The following PTPRT variants were observed in gnomAD, a reference collection of about 807,000 sequenced individuals.
PTPRT encodes the protein protein tyrosine phosphatase receptor type T, also known as receptor-type tyrosine-protein phosphatase T.
PTPRT carries 56 observed loss-of-function variants against 176.8 expected under a neutral mutation model. The observed-to-expected ratio is 0.32, with a 90% CI of 0.26 to 0.40. PTPRT has a LOEUF of 0.40. PTPRT is among the 10% of genes least tolerant of loss of function. The probability of loss-of-function intolerance (pLI) is 1.00; values close to 1 mark genes in which losing one functional copy is unlikely to be tolerated. For synonymous variants in PTPRT, 783 were observed against 739.0 expected, an observed-to-expected ratio of 1.06 and a Z score of -0.96; for missense variants, 1,540 against 1,908.2, an observed-to-expected ratio of 0.81 and a Z score of 3.60.
At chr20:42,391,397 G>A (rs1264605463) in intron 9 of PTPRT, among the ~76,000 whole-genome samples, 1 of 152,196 alleles carries the variant, frequency 6.6e-6, no homozygotes, top group Non-Finnish European at 1.5e-5. Context: ...GTCCCCTGAT[G>A]TCACAATCTG....
intron 9 of PTPRT, among the ~76,000 whole-genome samples, chr20:42,405,157 T>C (rs186429292): frequency 2.0e-5 from 3 of 151,484 alleles, no homozygotes; most frequent in African/African-American, 7.2e-5. Flanking sequence ...TACATTCTGT[T>C]ATACAAGTGA....
At chr20:42,895,588 G>A (rs1276414057) in intron 1 of PTPRT, among the ~76,000 whole-genome samples, 2 of 152,162 alleles carry the variant, frequency 1.3e-5, no homozygotes, top group Non-Finnish European at 2.9e-5. Context: ...ACCCATCACA[G>A]GGGGCCACAT....
chr20:42,990,489 C>T (rs1033911564), intron 1 of PTPRT, among the ~76,000 whole-genome samples: 6 of 152,128 alleles, frequency 3.9e-5, no homozygotes, highest in Non-Finnish European at 8.8e-5. Flanking sequence ...AATGGGCCCA[C>T]ATCAAGAATG....
intron 13 of PTPRT, 69 bp downstream of exon 13, chr20:42,282,420 G>T: frequency 6.9e-7 from 1 of 1,447,296 alleles, no homozygotes; most frequent in Non-Finnish European, 9.5e-7. Flanking sequence ...ATCTTTCTCT[G>T]TGTGGCTAGA....
chr20:43,005,665 T>C (rs1211583969), intron 1 of PTPRT, among the ~76,000 whole-genome samples: 1 of 152,230 alleles, frequency 6.6e-6, no homozygotes, highest in African/African-American at 2.4e-5. Flanking sequence ...TGTGTCTATT[T>C]TGCTCTTCAC....
chr20:42,712,461 G>C (rs1250274861), intron 6 of PTPRT, among the ~76,000 whole-genome samples: 2 of 152,160 alleles, frequency 1.3e-5, no homozygotes, highest in Non-Finnish European at 2.9e-5. Flanking sequence ...ATGTTTGCCA[G>C]GGACAGTACA....
At chr20:42,432,244 C>T (rs1254860160) in intron 9 of PTPRT, among the ~76,000 whole-genome samples, 1 of 152,172 alleles carries the variant, frequency 6.6e-6, no homozygotes, top group African/African-American at 2.4e-5. Context: ...CTAACATAGC[C>T]CTTCCTGGGA....
intron 2 of PTPRT, among the ~76,000 whole-genome samples, chr20:42,799,016 T>C (rs947169626): frequency 8.6e-5 from 13 of 150,950 alleles, no homozygotes; most frequent in Admixed American, 8.6e-4. Flanking sequence ...TTTTACACTT[T>C]CTGAGAAAAA....
intron 11 of PTPRT, among the ~76,000 whole-genome samples, chr20:42,333,319 T>C (rs1433929201): frequency 6.6e-6 from 1 of 152,186 alleles, no homozygotes; most frequent in African/African-American, 2.4e-5. Flanking sequence ...AAATATATTA[T>C]TTATATTAAT....
intron 2 of PTPRT, among the ~76,000 whole-genome samples, chr20:42,806,083 AC>A (rs1381134121): frequency 6.6e-6 from 1 of 150,546 alleles, no homozygotes; most frequent in Non-Finnish European, 1.5e-5. Context: ...CTGGAGCCAC[AC>A]CCCTGCAGTC....
chr20:42,862,641 C>A (rs1167624793), intron 2 of PTPRT, among the ~76,000 whole-genome samples: 2 of 152,208 alleles, frequency 1.3e-5, no homozygotes, highest in Non-Finnish European at 2.9e-5. Flanking sequence ...TCATTGTACA[C>A]AGCTTTTCGT....
intron 1 of PTPRT, among the ~76,000 whole-genome samples, chr20:43,105,198 A>T (rs773172283): frequency 2.0e-5 from 3 of 152,024 alleles, no homozygotes; most frequent in African/African-American, 4.8e-5. Context: ...CCTACCTCAA[A>T]CCTACTGAAT....
intron 1 of PTPRT, among the ~76,000 whole-genome samples, chr20:42,917,497 A>G (rs1314277442): frequency 1.3e-5 from 2 of 152,196 alleles, no homozygotes; most frequent in Non-Finnish European, 2.9e-5. Flanking sequence ...AATTCTGTGA[A>G]GAAAGTCATT....
chr20:42,236,135 G>T, intron 15 of PTPRT, 94 bp downstream of exon 15: 1 of 1,114,182 alleles, frequency 9.0e-7, no homozygotes, highest in South Asian at 1.5e-5. Context: ...AAGTGAAAAT[G>T]AGAAACTAAC....
intron 1 of PTPRT, among the ~76,000 whole-genome samples, chr20:43,019,070 C>T (rs1402766141): frequency 1.3e-5 from 2 of 151,882 alleles, no homozygotes; most frequent in Non-Finnish European, 2.9e-5. Flanking sequence ...TCCTAAATGC[C>T]CTACAATAGT....
intron 7 of PTPRT, among the ~76,000 whole-genome samples, chr20:42,642,575 C>A (rs780060357): frequency 3.3e-5 from 5 of 152,146 alleles, no homozygotes; most frequent in Non-Finnish European, 7.3e-5. Flanking sequence ...CATTATCCCA[C>A]CTAATCCTCA....
intron 1 of PTPRT, among the ~76,000 whole-genome samples, chr20:42,960,045 G>C (rs897266653): frequency 6.6e-6 from 1 of 152,096 alleles, no homozygotes; most frequent in Non-Finnish European, 1.5e-5. Flanking sequence ...TACTCACGGA[G>C]TGTCTGGGTC....
intron 9 of PTPRT, among the ~76,000 whole-genome samples, chr20:42,409,369 C>G (rs1261718893): frequency 6.6e-6 from 1 of 151,500 alleles, no homozygotes; most frequent in African/African-American, 2.4e-5. Flanking sequence ...GTAGTCCCAG[C>G]TACTCAGGAG....
intron 1 of PTPRT, among the ~76,000 whole-genome samples, chr20:43,067,019 C>T (rs2011118342): frequency 6.6e-6 from 1 of 152,130 alleles, no homozygotes; most frequent in South Asian, 2.1e-4. Context: ...GAATAAAGAA[C>T]CAGTTTTCTT....
Sources: allele counts gnomAD v4.1 joint callset (sites outside exome capture counted in the v4.1 genomes callset), GRCh38; gene constraint gnomAD v4.1.1; transcripts MANE v1.5; gene names NCBI Gene and HGNC (gene_info 2026-07-23, HGNC 2026-07-21).